Variants in ERG observed in about 807,000 individuals in gnomAD.
The protein encoded by ERG is ETS transcription factor ERG.
Under a neutral mutation model 55.3 loss-of-function variants are expected in ERG, and 9 were observed. That is an observed-to-expected ratio of 0.16 (90% CI 0.10 to 0.28). ERG has a LOEUF of 0.28. ERG is among the 10% of genes least tolerant of loss of function. The pLI, the probability that ERG is intolerant of heterozygous loss-of-function variation, is 1.00. For missense variants in ERG, 434 were observed against 631.6 expected (o/e 0.69, Z 3.35); for synonymous variants, 223 against 237.3 (o/e 0.94, Z 0.55).
upstream of ERG, among the ~76,000 whole-genome samples, chr21:38,503,457 A>C (rs1308333003): frequency 6.6e-6 from 1 of 151,766 alleles, no homozygotes; most frequent in Non-Finnish European, 1.5e-5. Flanking sequence ...TTCAGGTGAT[A>C]TTAATGGCCT....
chr21:38,403,975 C>T (rs1988640251), intron 3 of ERG, among the ~76,000 whole-genome samples: 2 of 152,150 alleles, frequency 1.3e-5, no homozygotes. Flanking sequence ...CTAAAGTTTC[C>T]TGTAGGCATA....
chr21:38,398,573 G>A (rs772677947), intron 6 of ERG, among the ~76,000 whole-genome samples: 11 of 152,150 alleles, frequency 7.2e-5, no homozygotes, highest in East Asian at 5.8e-4. Context: ...CCATCAGAGC[G>A]GCATGGGAGG....
intron 1 of ERG, among the ~76,000 whole-genome samples, chr21:38,644,909 C>A (rs2060446808): frequency 6.6e-6 from 1 of 152,146 alleles, no homozygotes; most frequent in Admixed American, 6.6e-5. Flanking sequence ...GTAATCCTAG[C>A]ATTTTGAGGG....
intron 2 of ERG, among the ~76,000 whole-genome samples, chr21:38,546,720 T>G (rs951775093): frequency 3.9e-5 from 6 of 152,110 alleles, no homozygotes; most frequent in African/African-American, 1.4e-4. Context: ...TAGAGAACAC[T>G]CAGAACACGC....
At chr21:38,378,418 G>A (rs1008954616), downstream of ERG, among the ~76,000 whole-genome samples, 1 of 152,198 alleles carries the variant, frequency 6.6e-6, no homozygotes, top group South Asian at 2.1e-4. Flanking sequence ...TCTTGAATTT[G>A]GCCAATGGGC....
chr21:38,406,872 G>A (rs2146464719), intron 3 of ERG, among the ~76,000 whole-genome samples: 1 of 152,248 alleles, frequency 6.6e-6, no homozygotes, highest in South Asian at 2.1e-4. Flanking sequence ...ATCAAGACAA[G>A]GGTTATCCTG....
chr21:38,621,710 G>C (rs538747871), intron 1 of ERG, among the ~76,000 whole-genome samples: 1 of 152,296 alleles, frequency 6.6e-6, no homozygotes, highest in Non-Finnish European at 1.5e-5. Context: ...CCAGAAAGGA[G>C]GGTTAGTCTC....
intron 1 of ERG, among the ~76,000 whole-genome samples, chr21:38,577,534 C>T (rs1304084273): frequency 6.6e-6 from 1 of 151,736 alleles, no homozygotes; most frequent in East Asian, 1.9e-4. Flanking sequence ...TGAAATTGAA[C>T]CGGGAAGCAG....
chr21:38,534,934 T>A (rs1308333508), intron 2 of ERG, among the ~76,000 whole-genome samples: 1 of 152,198 alleles, frequency 6.6e-6, no homozygotes, highest in South Asian at 2.1e-4. Flanking sequence ...GAATCTTTTT[T>A]TAAATTAAAG....
intron 1 of ERG, among the ~76,000 whole-genome samples, chr21:38,592,083 C>G (rs961381269): frequency 7.9e-5 from 12 of 152,290 alleles, no homozygotes; most frequent in Admixed American, 5.2e-4. Flanking sequence ...AGGTGGGACC[C>G]CACTGTCTCA....
intron 9 of ERG, among the ~76,000 whole-genome samples, chr21:38,387,789 T>C (rs1987770763): frequency 6.6e-6 from 1 of 152,268 alleles, no homozygotes; most frequent in Admixed American, 6.5e-5. Flanking sequence ...CTGTGTGCCA[T>C]GCACCATTCT....
chr21:38,539,792 A>G (rs2059738683), intron 2 of ERG, among the ~76,000 whole-genome samples: 1 of 151,790 alleles, frequency 6.6e-6, no homozygotes, highest in African/African-American at 2.4e-5. Flanking sequence ...CAGCACGTAT[A>G]CCCATGCTCT....
intron 1 of ERG, among the ~76,000 whole-genome samples, chr21:38,613,219 C>A (rs138612179): frequency 1.3e-5 from 2 of 152,326 alleles, no homozygotes; most frequent in Admixed American, 6.5e-5. Context: ...ATAGACCAAG[C>A]AGTTTCACTG....
intron 2 of ERG, among the ~76,000 whole-genome samples, chr21:38,443,030 A>T (rs1439949689): frequency 2.0e-5 from 3 of 152,148 alleles, no homozygotes; most frequent in Non-Finnish European, 4.4e-5. Flanking sequence ...GATGGTCTCG[A>T]TCTCTTGACC....
rs1446461083 is a variant in ERG, at chr21:38,383,523, C to T, written c.1320G>A (p.Val440=). The part of the protein sequence containing the change: ...FVAPHPPALP[V]TSSSFFAAPN... ...GGGCAGCAAAAAAACTGGAAGATGT[C>T]ACGGGGAGGGCTGGAGGGTGGGGCG... Residue 440 remains valine, a synonymous_variant, in exon 10 of 10, where the codon GTG becomes GTA. Coordinates refer to ENST00000288319, the MANE Select transcript of ERG (RefSeq NM_182918.4). This position sits in a 1 kb window ranked among gnomAD's most constrained non-coding sequence, Gnocchi z 5.7. 1 of 1,565,336 alleles carries T rather than the reference C, an allele frequency of 6.4e-7. No homozygotes were observed. The highest frequency in any genetic ancestry group is 1.2e-5 in the South Asian group (1 of 83,070).
chr21:38,388,377 A>T (rs1468448217), intron 9 of ERG, among the ~76,000 whole-genome samples: 1 of 152,264 alleles, frequency 6.6e-6, no homozygotes, highest in Admixed American at 6.5e-5. Flanking sequence ...AGATGTTGGG[A>T]TGCTGACATC....
intron 3 of ERG, among the ~76,000 whole-genome samples, chr21:38,413,276 GC>G (rs1420016961): frequency 6.6e-6 from 1 of 152,106 alleles, no homozygotes; most frequent in Non-Finnish European, 1.5e-5. Context: ...TAAACTCCAT[GC>G]AGCAATTCCA....
At chr21:38,532,456 T>C (rs1203704216) in intron 2 of ERG, among the ~76,000 whole-genome samples, 6 of 152,200 alleles carry the variant, frequency 3.9e-5, no homozygotes, top group Admixed American at 2.6e-4. Context: ...AAAGAAGCCT[T>C]GACACCTTGT....
At chr21:38,556,764 A>C (rs9980236) in intron 2 of ERG, among the ~76,000 whole-genome samples, 1 of 152,088 alleles carries the variant, frequency 6.6e-6, no homozygotes, top group African/African-American at 2.4e-5. Context: ...GGAAGAAAGC[A>C]GGGTTCTCTT....
Sources: allele counts gnomAD v4.1 joint callset (sites outside exome capture counted in the v4.1 genomes callset), GRCh38; gene constraint gnomAD v4.1.1; non-coding constraint Gnocchi (gnomAD v3.1); transcripts MANE v1.5; gene names NCBI Gene and HGNC (gene_info 2026-07-23, HGNC 2026-07-21).